PCDH10: variants seen among roughly 807,000 people sequenced by gnomAD.
PCDH10 encodes the protein protocadherin 10.
In PCDH10, 15 loss-of-function variants were observed where a neutral mutation model predicts 74.4. The ratio of observed to expected loss-of-function variants is 0.20; its 90% confidence interval spans 0.13 to 0.31. The LOEUF (loss-of-function observed/expected upper bound fraction) is 0.31. PCDH10 is among the 10% of genes least tolerant of loss of function. The pLI is 1.00. For synonymous variants in PCDH10, 619 were observed against 589.8 expected, an observed-to-expected ratio of 1.05 and a Z score of -0.72; for missense variants, 1,260 against 1,390.2, an observed-to-expected ratio of 0.91 and a Z score of 1.49.
At chr4:133,188,843 T>G (rs1307849483) in intron 4 of PCDH10, among the ~76,000 whole-genome samples, 1 of 151,694 alleles carries the variant, frequency 6.6e-6, no homozygotes, top group Non-Finnish European at 1.5e-5. Context: ...CAGGCTAATA[T>G]TTTGTACTTT....
downstream of PCDH10, among the ~76,000 whole-genome samples, chr4:133,198,004 T>TGTGTGA (rs774649175): frequency 9.4e-3 from 1,385 of 147,880 alleles, 23 homozygotes; most frequent in African/African-American, 0.033. Flanking sequence ...TGTGTGTGTG[T>TGTGTGA]GTGATTGGGA....
At chr4:133,202,487 A>G (rs1291446496) in intron 2 of PCDH10, among the ~76,000 whole-genome samples, 3 of 152,166 alleles carry the variant, frequency 2.0e-5, no homozygotes, top group Non-Finnish European at 2.9e-5. Context: ...ACAACTTTAA[A>G]GGAATAAGAG....
rs1057414978 is a variant in PCDH10 at position 133,152,583 on chromosome 4, C to G, written c.2443C>G (p.His815Asp). Residue 815 changes from histidine to aspartate, a missense_variant, in exon 1 of 5, where the codon CAC (histidine) becomes GAC (aspartate). His to Asp is a moderately conservative substitution (Grantham distance 81). Around this residue, in one of 11 missense-constraint regions of PCDH10, gnomAD observed 587 missense variants for 616.9 expected, o/e 0.95. Transcript: ENST00000264360. ...EESGGFGSHH[H>D]NQNYCYQVCL... ...GTCCGGGGGCTTTGGCTCCCACCAC[C>G]ACAACCAGAATTACTGCTATCAGGT... is the stretch of plus-strand genomic sequence containing the variant. The G allele has an allele frequency of 3.1e-6, 5 of 1,614,142 alleles. No homozygotes were observed. The highest frequency in any genetic ancestry group is 4.2e-6 in the Non-Finnish European group (5 of 1,180,032).
intron 4 of PCDH10, among the ~76,000 whole-genome samples, chr4:133,175,047 T>TAA (rs1481959526): frequency 1.3e-5 from 2 of 152,014 alleles, no homozygotes; most frequent in African/African-American, 4.8e-5. Context: ...TTCATAATGC[T>TAA]TATAAAAAGT....
chr4:133,184,733 A>G (rs1218240952), intron 4 of PCDH10, among the ~76,000 whole-genome samples: 1 of 142,940 alleles, frequency 7.0e-6, no homozygotes, highest in Non-Finnish European at 1.5e-5. Flanking sequence ...ATATATTTAT[A>G]TATTATATAT....
intron 4 of PCDH10, among the ~76,000 whole-genome samples, chr4:133,165,254 T>C (rs766969154): frequency 1.3e-5 from 2 of 151,186 alleles, no homozygotes; most frequent in Non-Finnish European, 1.5e-5. Context: ...TTGTTTTCAC[T>C]TCTGCTCTTC....
At chr4:133,162,952 C>G (rs369738050) in intron 3 of PCDH10, 25 bp from the exon 4 acceptor site, 4 of 1,577,402 alleles carry the variant, frequency 2.5e-6, no homozygotes, top group African/African-American at 2.7e-5. Flanking sequence ...AGACTACATC[C>G]GTAGTTTCTG....
At chr4:133,156,491 A>G (rs1432428849) in intron 3 of PCDH10, among the ~76,000 whole-genome samples, 3 of 152,212 alleles carry the variant, frequency 2.0e-5, no homozygotes, top group Non-Finnish European at 2.9e-5. Context: ...AGAAGTTTAT[A>G]TGTGCGTACA....
intron 4 of PCDH10, among the ~76,000 whole-genome samples, chr4:133,184,804 A>G (rs1235191569): frequency 3.5e-5 from 5 of 141,274 alleles, no homozygotes; most frequent in South Asian, 2.1e-4. Context: ...ATTTATATAT[A>G]TATATTTATA....
At chr4:133,188,191 C>A (rs1244487778) in intron 4 of PCDH10, among the ~76,000 whole-genome samples, 1 of 152,030 alleles carries the variant, frequency 6.6e-6, no homozygotes, top group Non-Finnish European at 1.5e-5. Flanking sequence ...AGCACAAAAT[C>A]TTTTGTAATT....
chr4:133,199,793 T>TTAC (rs547774785), intron 2 of PCDH10, among the ~76,000 whole-genome samples: 2,189 of 146,878 alleles, frequency 0.015, 44 homozygotes, highest in African/African-American at 0.048. Flanking sequence ...ATTACTATTA[T>TTAC]TATTATTATT....
intron 2 of PCDH10, among the ~76,000 whole-genome samples, chr4:133,202,569 T>C (rs1479541946): frequency 3.9e-5 from 6 of 152,154 alleles, no homozygotes; most frequent in Non-Finnish European, 1.5e-5. Flanking sequence ...TTTTATATTG[T>C]GTCTCTGTGG....
downstream of PCDH10, among the ~76,000 whole-genome samples, chr4:133,199,551 A>G (rs559955858): frequency 2.1e-3 from 321 of 150,030 alleles, 3 homozygotes; most frequent in Middle Eastern, 0.01. Flanking sequence ...GATGAAGGTG[A>G]GGGAGAAATG....
chr4:133,154,430 GTA>G, intron 2 of PCDH10, 65 bp downstream of exon 2: 7 of 861,200 alleles, frequency 8.1e-6, no homozygotes, highest in Non-Finnish European at 1.3e-5. Flanking sequence ...TAGGAAGTAG[GTA>G]TATTATTCTA....
At chr4:133,169,054 A>T (rs1027189795) in intron 4 of PCDH10, among the ~76,000 whole-genome samples, 1 of 151,636 alleles carries the variant, frequency 6.6e-6, no homozygotes, top group Non-Finnish European at 1.5e-5. Context: ...TTGTTCTAAG[A>T]ACTTATTTCA....
Position 133,194,421 on chromosome 4 carries a change from A to G in PCDH10, c.*4261A>G, listed in dbSNP as rs911855304. 9.2e-5 allele frequency: 14 copies of G among 151,888 alleles called. No individual in the cohort carries two copies. The highest frequency in any genetic ancestry group is 3.9e-4 in the Admixed American group (6 of 15,204). The allele number at this position is 151,888 out of a possible 1,614,324, so 9.4% of individuals were successfully genotyped here. On this transcript the variant is annotated 3_prime_UTR_variant, in exon 5 of 5. Transcript: ENST00000264360. ...AAAGTAAGCAGGGAATTTCAGCTCT[A>G]AACACATTTTTGAGACAGTTATCTG...
At chr4:133,155,109 C>T (rs1292512909) in intron 3 of PCDH10, 86 bp downstream of exon 3, 3 of 876,926 alleles carry the variant, frequency 3.4e-6, no homozygotes, top group Non-Finnish European at 5.7e-6. Flanking sequence ...ATGTCCTAGG[C>T]AATTTTCCAT....
chr4:133,167,425 A>G (rs1216025572), intron 4 of PCDH10, among the ~76,000 whole-genome samples: 1 of 151,550 alleles, frequency 6.6e-6, no homozygotes, highest in East Asian at 1.9e-4. Flanking sequence ...TTATAGATAC[A>G]CATTACCTTC....
intron 4 of PCDH10, among the ~76,000 whole-genome samples, chr4:133,189,301 C>A (rs559375850): frequency 6.6e-6 from 1 of 152,068 alleles, no homozygotes; most frequent in Admixed American, 6.6e-5. Flanking sequence ...TGTTATGTGC[C>A]ATATACTGAT....
Sources: allele counts gnomAD v4.1 joint callset (sites outside exome capture counted in the v4.1 genomes callset), GRCh38; gene constraint gnomAD v4.1.1; regional missense constraint gnomAD v4.1.1; transcripts MANE v1.5; gene names NCBI Gene and HGNC (gene_info 2026-07-23, HGNC 2026-07-21).